ZNF277: variants seen among roughly 807,000 people sequenced by gnomAD.
The protein encoded by ZNF277 is zinc finger protein 277, also known as nuclear receptor-interacting factor 4.
Under a neutral mutation model 60.7 loss-of-function variants are expected in ZNF277, and 55 were observed. The observed-to-expected ratio is 0.91, with a 90% confidence interval of 0.73 to 1.13. ZNF277 has a LOEUF of 1.13. Among genes scored for constraint, ZNF277 ranks in the 50% most tolerant of loss-of-function variants. ZNF277 has a pLI of 0.00. For missense variants in ZNF277, 510 were observed against 523.0 expected (o/e 0.98, Z 0.24); for synonymous variants, 178 against 179.3 (o/e 0.99, Z 0.06).
At chr7:112,332,115 G>A (rs999040354) in intron 7 of ZNF277, among the ~76,000 whole-genome samples, 1 of 152,216 alleles carries the variant, frequency 6.6e-6, no homozygotes, top group Non-Finnish European at 1.5e-5. Flanking sequence ...CGGATTTGAT[G>A]TGGCGTGGAC....
chr7:112,289,027 T>C (rs1252296889), intron 2 of ZNF277: 1 of 147,470 alleles, frequency 6.8e-6, no homozygotes, highest in Non-Finnish European at 1.5e-5. Flanking sequence ...GTGTACCTGA[T>C]AAATGGTAGA....
chr7:112,208,593 CTTCT>C (rs1563190801), intron 1 of ZNF277, among the ~76,000 whole-genome samples: 26 of 138,284 alleles, frequency 1.9e-4, no homozygotes, highest in Non-Finnish European at 2.3e-4. Flanking sequence ...TATTCTTCTT[CTTCT>C]TTTTTTTTTT....
intron 1 of ZNF277, among the ~76,000 whole-genome samples, chr7:112,254,496 A>G (rs1266750022): frequency 6.6e-6 from 1 of 152,224 alleles, no homozygotes; most frequent in African/African-American, 2.4e-5. Context: ...TTGTGTTGAC[A>G]TGATTGGAAA....
chr7:112,275,683 TATA>T (rs1467404066), intron 1 of ZNF277, among the ~76,000 whole-genome samples: 1 of 152,222 alleles, frequency 6.6e-6, no homozygotes, highest in Non-Finnish European at 1.5e-5. Flanking sequence ...ATCATGAATT[TATA>T]ATATTTCAAA....
intron 1 of ZNF277, among the ~76,000 whole-genome samples, chr7:112,264,527 A>G (rs983050874): frequency 1.3e-5 from 2 of 152,168 alleles, no homozygotes. Flanking sequence ...CAATGTTAGA[A>G]TACTGTGGTT....
chr7:112,250,732 C>T (rs1791185900), intron 1 of ZNF277, among the ~76,000 whole-genome samples: 1 of 152,176 alleles, frequency 6.6e-6, no homozygotes, highest in African/African-American at 2.4e-5. Context: ...TTTTTAACCT[C>T]TGCTCCTCTT....
chr7:112,312,459 A>G (rs1202663221), intron 4 of ZNF277, among the ~76,000 whole-genome samples: 1 of 152,100 alleles, frequency 6.6e-6, no homozygotes, highest in Non-Finnish European at 1.5e-5. Context: ...TGTGATGATA[A>G]TGGTTTTGTG....
chr7:112,335,879 G>C (rs1007543858), intron 7 of ZNF277, among the ~76,000 whole-genome samples: 9 of 152,022 alleles, frequency 5.9e-5, no homozygotes, highest in Admixed American at 1.3e-4. Flanking sequence ...TCTCATTAAG[G>C]TTTCAACTTC....
At chr7:112,232,147 C>T (rs1190652052) in intron 1 of ZNF277, among the ~76,000 whole-genome samples, 1 of 149,442 alleles carries the variant, frequency 6.7e-6, no homozygotes, top group East Asian at 2.0e-4. Context: ...AAAGACTGGA[C>T]AGATGATTTT....
At chr7:112,296,177 GA>G in intron 3 of ZNF277, 51 bp from the exon 4 acceptor site, 2 of 1,284,496 alleles carry the variant, frequency 1.6e-6, no homozygotes, top group Admixed American at 2.0e-5. Flanking sequence ...TCCTTCTGGG[GA>G]AAAAATGGTT....
intron 11 of ZNF277, among the ~76,000 whole-genome samples, chr7:112,341,743 C>T (rs1449574878): frequency 3.3e-5 from 5 of 152,284 alleles, no homozygotes; most frequent in African/African-American, 1.2e-4. Flanking sequence ...TAACCTCAGT[C>T]GAGGGCTCCT....
At chr7:112,317,378 A>G (rs1197305485) in intron 4 of ZNF277, among the ~76,000 whole-genome samples, 1 of 152,168 alleles carries the variant, frequency 6.6e-6, no homozygotes. Context: ...CCATATTTCA[A>G]ATCCAGATCT....
At chr7:112,311,713 A>G (rs1032283432) in intron 4 of ZNF277, among the ~76,000 whole-genome samples, 2 of 149,818 alleles carry the variant, frequency 1.3e-5, no homozygotes, top group Non-Finnish European at 2.9e-5. Context: ...AGAGTAAGGG[A>G]AAGAAAAAAA....
At chr7:112,272,515 A>T (rs1293971107) in intron 1 of ZNF277, among the ~76,000 whole-genome samples, 1 of 152,036 alleles carries the variant, frequency 6.6e-6, no homozygotes, top group Non-Finnish European at 1.5e-5. Context: ...TTTTTTCGAG[A>T]CAGAGTCTTC....
chr7:112,254,495 C>T (rs536788970), intron 1 of ZNF277, among the ~76,000 whole-genome samples: 75 of 152,256 alleles, frequency 4.9e-4, no homozygotes, highest in African/African-American at 1.7e-3. Flanking sequence ...GTTGTGTTGA[C>T]ATGATTGGAA....
At chr7:112,337,872 G>T in intron 9 of ZNF277, 46 bp downstream of exon 9, 1 of 1,508,812 alleles carries the variant, frequency 6.6e-7, no homozygotes, top group South Asian at 1.1e-5. Flanking sequence ...TCTGACAGGG[G>T]AAAGCTAGTA....
At chr7:112,286,842 T>C (rs1792074141) in intron 1 of ZNF277, 31 bp from the exon 2 acceptor site, 1 of 68,670 alleles carries the variant, frequency 1.5e-5, no homozygotes, top group Non-Finnish European at 2.2e-5. Context: ...TCTTTCTTTC[T>C]TTTTTTTTTT....
intron 6 of ZNF277, among the ~76,000 whole-genome samples, chr7:112,329,239 T>C (rs973096041): frequency 2.0e-5 from 3 of 152,200 alleles, no homozygotes; most frequent in Admixed American, 2.0e-4. Flanking sequence ...ATGTAAAATA[T>C]ATTATACTTA....
chr7:112,282,025 G>A (rs1291028308), intron 1 of ZNF277, among the ~76,000 whole-genome samples: 1 of 152,142 alleles, frequency 6.6e-6, no homozygotes, highest in East Asian at 1.9e-4. Context: ...TAGAGACGGG[G>A]TTTCACCGTG....
Sources: gnomAD v4.1 joint callset for allele counts (sites outside exome capture counted in the v4.1 genomes callset) on GRCh38, gnomAD v4.1.1 for gene constraint, MANE v1.5 for transcripts, NCBI Gene and HGNC (gene_info 2026-07-23, HGNC 2026-07-21) for gene names.